Variants in RIPK1 observed in about 807,000 individuals in gnomAD.
The protein encoded by RIPK1 is receptor interacting serine/threonine kinase 1.
A neutral mutation model predicts 62.4 loss-of-function variants in RIPK1; 27 were observed. The observed-to-expected ratio is 0.43, with a 90% CI of 0.32 to 0.60. The LOEUF (loss-of-function observed/expected upper bound fraction) is 0.60, where lower values mean the gene tolerates loss of function less well. RIPK1 is among the 20% of genes least tolerant of loss of function. The probability of loss-of-function intolerance (pLI) is 0.07; values close to 1 mark genes in which losing one functional copy is unlikely to be tolerated. For missense variants in RIPK1, 735 were observed against 831.0 expected (o/e 0.88, Z 1.42); for synonymous variants, 287 against 303.2 (o/e 0.95, Z 0.55).
chr6:3,085,228 C>T, intron 5 of RIPK1, 31 bp from the exon 6 acceptor site: 1 of 1,613,120 alleles, frequency 6.2e-7, no homozygotes, highest in Non-Finnish European at 8.5e-7. Context: ...GAGAGAGGAG[C>T]AAGACCTGAA....
intron 6 of RIPK1, among the ~76,000 whole-genome samples, chr6:3,088,215 C>T (rs1224700752): frequency 6.6e-6 from 1 of 152,166 alleles, no homozygotes; most frequent in East Asian, 1.9e-4. Context: ...CTTATTAGTG[C>T]TGGGTAGAGG....
intron 3 of RIPK1, among the ~76,000 whole-genome samples, chr6:3,079,611 G>A (rs1033604355): frequency 1.3e-5 from 2 of 152,194 alleles, no homozygotes; most frequent in African/African-American, 4.8e-5. Flanking sequence ...GTATGGGGAG[G>A]GGTGGCGGGA....
intron 1 of RIPK1, among the ~76,000 whole-genome samples, chr6:3,075,158 A>G (rs1038378447): frequency 6.6e-6 from 1 of 152,104 alleles, no homozygotes; most frequent in East Asian, 1.9e-4. Flanking sequence ...TGTTTGTACC[A>G]TTTTATACTC....
At chr6:3,069,502 C>G (rs1228285100) in intron 1 of RIPK1, among the ~76,000 whole-genome samples, 1 of 152,202 alleles carries the variant, frequency 6.6e-6, no homozygotes, top group Non-Finnish European at 1.5e-5. Context: ...TTAGTTCTTT[C>G]TCTCTTGCTG....
chr6:3,083,801 T>G (rs1759547861), intron 5 of RIPK1, among the ~76,000 whole-genome samples: 1 of 152,162 alleles, frequency 6.6e-6, no homozygotes, highest in Middle Eastern at 3.2e-3. Flanking sequence ...TCTTTGCAAA[T>G]GCTTCTTAAA....
chr6:3,111,105 A>G (rs2113717651), intron 10 of RIPK1, 150 bp downstream of exon 10: 1 of 513,856 alleles, frequency 1.9e-6, no homozygotes, highest in Middle Eastern at 2.8e-4. Context: ...ATTTCCATAT[A>G]ATTCCTTTGT....
chr6:3,095,384 A>G (rs1760235591), intron 7 of RIPK1, among the ~76,000 whole-genome samples: 1 of 152,226 alleles, frequency 6.6e-6, no homozygotes, highest in African/African-American at 2.4e-5. Flanking sequence ...CAATGAAGAA[A>G]TTATGTCAAT....
intron 1 of RIPK1, among the ~76,000 whole-genome samples, chr6:3,073,275 CA>C (rs1433352341): frequency 6.6e-6 from 1 of 150,970 alleles, no homozygotes; most frequent in Non-Finnish European, 1.5e-5. Flanking sequence ...TATACATATA[CA>C]AATATATGTA....
chr6:3,111,649 G>A (rs1761165170), intron 10 of RIPK1, among the ~76,000 whole-genome samples: 1 of 152,192 alleles, frequency 6.6e-6, no homozygotes, highest in South Asian at 2.1e-4. Flanking sequence ...GAGCACGGCT[G>A]TGTTCCAATA....
intron 10 of RIPK1, among the ~76,000 whole-genome samples, chr6:3,111,308 A>G (rs1312653169): frequency 6.6e-6 from 1 of 152,228 alleles, no homozygotes; most frequent in African/African-American, 2.4e-5. Context: ...TAGCTGTGTC[A>G]GGCCCTCATC....
chr6:3,095,845 C>G (rs1418916449), intron 7 of RIPK1, among the ~76,000 whole-genome samples: 1 of 127,538 alleles, frequency 7.8e-6, no homozygotes, highest in African/African-American at 2.7e-5. Context: ...ATGTTAACAG[C>G]CTTTTTTTTT....
chr6:3,097,113 C>T (rs1043877714), intron 7 of RIPK1, among the ~76,000 whole-genome samples: 5 of 151,294 alleles, frequency 3.3e-5, no homozygotes, highest in South Asian at 2.1e-4. Flanking sequence ...TCAAATGGTC[C>T]GCCTGCCTTG....
chr6:3,073,616 T>C (rs1028700465), intron 1 of RIPK1, among the ~76,000 whole-genome samples: 2 of 152,098 alleles, frequency 1.3e-5, no homozygotes, highest in African/African-American at 4.8e-5. Flanking sequence ...ACTTCTCTTG[T>C]TTGGTAATGT....
intron 9 of RIPK1, among the ~76,000 whole-genome samples, chr6:3,108,382 G>A (rs553823529): frequency 5.3e-5 from 8 of 152,198 alleles, no homozygotes; most frequent in Admixed American, 3.9e-4. Flanking sequence ...TATTGCATTC[G>A]TTTCTCCACT....
At chr6:3,070,542 G>A (rs1474677707) in intron 1 of RIPK1, among the ~76,000 whole-genome samples, 2 of 152,146 alleles carry the variant, frequency 1.3e-5, no homozygotes, top group African/African-American at 2.4e-5. Flanking sequence ...GGTTCAAGCA[G>A]TTCTCCTGCC....
chr6:3,068,576 T>G lies in RIPK1; in HGVS notation c.-146T>G. 1.0e-6 allele frequency: 1 copy of G among 985,154 alleles called. No homozygotes were observed. The highest frequency in any genetic ancestry group is 1.7e-5 in the African/African-American group (1 of 57,286). 61.0% of individuals were successfully genotyped at this position (985,154 alleles called of 1,614,324 possible). ...GCGGCGACTCCAGGGGACCCACAGC[T>G]GGGGCGCCAGAGCGCGGCCATCCGG... On this transcript the variant is annotated 5_prime_UTR_variant, in exon 1 of 11. Transcript: ENST00000259808.
intron 8 of RIPK1, among the ~76,000 whole-genome samples, chr6:3,104,591 T>C (rs975766268): frequency 2.0e-5 from 3 of 152,106 alleles, no homozygotes; most frequent in South Asian, 2.1e-4. Flanking sequence ...AGGGGACATA[T>C]GTGAGAGCAA....
At chr6:3,095,326 T>A (rs1760232966) in intron 7 of RIPK1, among the ~76,000 whole-genome samples, 1 of 152,190 alleles carries the variant, frequency 6.6e-6, no homozygotes, top group African/African-American at 2.4e-5. Flanking sequence ...AAACTTCCTA[T>A]AGAGAAAACC....
At chr6:3,073,456 T>C (rs905381734) in intron 1 of RIPK1, among the ~76,000 whole-genome samples, 2 of 152,230 alleles carry the variant, frequency 1.3e-5, no homozygotes, top group South Asian at 2.1e-4. Context: ...ACGCTCATAG[T>C]GGAGGGCCCG....
Sources: allele counts gnomAD v4.1 joint callset (sites outside exome capture counted in the v4.1 genomes callset), GRCh38; gene constraint gnomAD v4.1.1; transcripts MANE v1.5; gene names NCBI Gene and HGNC (gene_info 2026-07-23, HGNC 2026-07-21).